The following PTPN4 variants were observed in gnomAD, a reference collection of about 807,000 sequenced individuals.
PTPN4 encodes protein tyrosine phosphatase non-receptor type 4.
In PTPN4, 49 loss-of-function variants were observed where a neutral mutation model predicts 135.5. That is an observed-to-expected ratio of 0.36 (90% CI 0.29 to 0.46). PTPN4 has a LOEUF of 0.46. Ranked by LOEUF, PTPN4 falls within the 20% of genes least tolerant of loss-of-function variation. The pLI is 1.00. For missense variants in PTPN4, 860 were observed against 1,101.0 expected (o/e 0.78, Z 3.10); for synonymous variants, 333 against 369.9 (o/e 0.90, Z 1.14).
At chr2:119,821,380 C>CGCCTCTG (rs1380431171) in intron 2 of PTPN4, among the ~76,000 whole-genome samples, 1 of 151,934 alleles carries the variant, frequency 6.6e-6, no homozygotes, top group Non-Finnish European at 1.5e-5. Context: ...TGTGAGCCAC[C>CGCCTCTG]GCCTCTGGCC....
At chr2:119,973,388 A>G (rs1679564498) in intron 26 of PTPN4, among the ~76,000 whole-genome samples, 1 of 152,090 alleles carries the variant, frequency 6.6e-6, no homozygotes, top group South Asian at 2.1e-4. Context: ...TCATTTATCT[A>G]TCAGTGGACA....
At chr2:119,895,624 CAAAA>C (rs1462643025) in intron 9 of PTPN4, among the ~76,000 whole-genome samples, 2 of 147,720 alleles carry the variant, frequency 1.4e-5, no homozygotes, top group Non-Finnish European at 3.0e-5. Flanking sequence ...GACTCCATCT[CAAAA>C]AAAAAGAAAA....
chr2:119,946,922 C>T (rs1412218927), intron 18 of PTPN4, among the ~76,000 whole-genome samples: 1 of 152,010 alleles, frequency 6.6e-6, no homozygotes, highest in African/African-American at 2.4e-5. Flanking sequence ...AATTTAAGTA[C>T]ATTATACTTG....
chr2:119,819,459 A>G (rs113586043), intron 2 of PTPN4, among the ~76,000 whole-genome samples: 2 of 152,320 alleles, frequency 1.3e-5, no homozygotes, highest in African/African-American at 4.8e-5. Flanking sequence ...GAAACATTTA[A>G]CATGTTACTT....
intron 2 of PTPN4, among the ~76,000 whole-genome samples, chr2:119,830,377 A>T (rs995633806): frequency 1.3e-5 from 2 of 152,032 alleles, no homozygotes; most frequent in Admixed American, 6.6e-5. Context: ...ATTGGATCAT[A>T]AGGGTGGTTT....
chr2:119,806,203 G>T (rs906115189), intron 1 of PTPN4, among the ~76,000 whole-genome samples: 1 of 152,126 alleles, frequency 6.6e-6, no homozygotes, highest in Non-Finnish European at 1.5e-5. Flanking sequence ...ACATCATAAC[G>T]ATGGGATCAA....
At chr2:119,822,811 A>G (rs1677089714) in intron 2 of PTPN4, among the ~76,000 whole-genome samples, 1 of 152,168 alleles carries the variant, frequency 6.6e-6, no homozygotes, top group Non-Finnish European at 1.5e-5. Context: ...CATCACATTT[A>G]ACTGTAGGTT....
chr2:119,813,542 C>T lies in PTPN4; in HGVS notation c.138+3551C>T, dbSNP rs534083797. Among the ~76,000 whole-genome samples the T allele has an allele frequency of 9.9e-5, 15 of 151,420 alleles. No individual in the cohort carries two copies. In the East Asian group the frequency reaches 1.2e-3, roughly 12 times the overall value. On this transcript the variant is annotated intron_variant, in intron 2 of 26. Transcript: ENST00000263708. ...GATTACAGGCATGAGCCACTGTGCC[C>T]GGTCACAGTGGCTGGTTTCTAAGGG... is the stretch of plus-strand genomic sequence containing the variant.
At chr2:119,885,972 G>A in intron 9 of PTPN4, 90 bp downstream of exon 9, 1 of 863,916 alleles carries the variant, frequency 1.2e-6, no homozygotes. Flanking sequence ...AATGGAATAA[G>A]TTATGATTGC....
rs571608577 is a variant in PTPN4, at chr2:119,842,969, A to T, written c.139-19567A>T. Among the ~76,000 whole-genome samples the T allele has an allele frequency of 3.9e-5, 6 of 152,268 alleles. No homozygotes were observed. The East Asian group carries it at 1.2e-3, about 29-fold the overall frequency. The stretch of plus-strand genomic sequence containing the variant: ...TATTATATATGATGTTAGCTGTGAG[A>T]CTTCATAGATGTTCTTTATCACATT... On this transcript the variant is annotated intron_variant, in intron 2 of 26. Coordinates refer to ENST00000263708, the MANE Select transcript of PTPN4 (RefSeq NM_002830.4).
intron 2 of PTPN4, among the ~76,000 whole-genome samples, chr2:119,844,806 C>T (rs1428062100): frequency 1.2e-4 from 17 of 136,132 alleles, no homozygotes; most frequent in Admixed American, 1.1e-3. Flanking sequence ...ACATCCCAGA[C>T]GATGGGCGGC....
chr2:119,805,145 C>G (rs12105297), intron 1 of PTPN4, among the ~76,000 whole-genome samples: 6 of 151,920 alleles, frequency 3.9e-5, no homozygotes, highest in Non-Finnish European at 5.9e-5. Flanking sequence ...TTGTTTTTTT[C>G]TTATAAATTT....
chr2:119,937,547 G>T (rs1461516795), intron 15 of PTPN4, among the ~76,000 whole-genome samples: 1 of 152,178 alleles, frequency 6.6e-6, no homozygotes, highest in African/African-American at 2.4e-5. Flanking sequence ...GCAACAGAGA[G>T]CTGCATTAAC....
chr2:119,761,636 A>G (rs553405393), intron 1 of PTPN4, among the ~76,000 whole-genome samples: 1 of 152,258 alleles, frequency 6.6e-6, no homozygotes, highest in South Asian at 2.1e-4. Flanking sequence ...GTCTCTTCGC[A>G]TTTTTTATGG....
intron 1 of PTPN4, among the ~76,000 whole-genome samples, chr2:119,786,114 C>T (rs972231996): frequency 9.9e-5 from 15 of 152,174 alleles, no homozygotes; most frequent in African/African-American, 3.6e-4. Context: ...GACAGTGCTA[C>T]TCAACAGATT....
chr2:119,969,688 A>G (rs1679500179), intron 26 of PTPN4, among the ~76,000 whole-genome samples: 1 of 149,816 alleles, frequency 6.7e-6, no homozygotes, highest in Admixed American at 6.8e-5. Flanking sequence ...CCTCCTGAGT[A>G]GCTGGGACTA....
At chr2:119,874,296 A>G (rs555596770) in intron 3 of PTPN4, among the ~76,000 whole-genome samples, 1 of 152,322 alleles carries the variant, frequency 6.6e-6, no homozygotes, top group Non-Finnish European at 1.5e-5. Flanking sequence ...ATATACAATT[A>G]TCCTGTGACC....
At chr2:119,769,480 G>A (rs1316469747) in intron 1 of PTPN4, among the ~76,000 whole-genome samples, 1 of 152,208 alleles carries the variant, frequency 6.6e-6, no homozygotes, top group Non-Finnish European at 1.5e-5. Context: ...AAAATCTGCT[G>A]AAATGCTAAG....
chr2:119,810,120 G>A (rs1302102266), intron 2 of PTPN4, 129 bp downstream of exon 2: 1 of 1,099,686 alleles, frequency 9.1e-7, no homozygotes, highest in African/African-American at 1.6e-5. Flanking sequence ...AGTCTTTTTG[G>A]TGCAGGATTG....
Sources: allele counts gnomAD v4.1 joint callset (sites outside exome capture counted in the v4.1 genomes callset), GRCh38; gene constraint gnomAD v4.1.1; transcripts MANE v1.5; gene names NCBI Gene and HGNC (gene_info 2026-07-23, HGNC 2026-07-21).